The following CTIF variants were observed in gnomAD, a reference collection of about 807,000 sequenced individuals.
CTIF encodes the protein CBP80/20-dependent translation initiation factor.
A neutral mutation model predicts 66.0 loss-of-function variants in CTIF; 21 were observed. The ratio of observed to expected loss-of-function variants is 0.32; its 90% CI spans 0.23 to 0.46. The LOEUF is 0.46. CTIF is among the 20% of genes least tolerant of loss of function. CTIF has a pLI of 1.00. For missense variants in CTIF, 739 were observed against 812.7 expected (o/e 0.91, Z 1.10); for synonymous variants, 345 against 326.4 (o/e 1.06, Z -0.62).
chr18:48,597,126 C>T lies in CTIF; in HGVS notation c.-28-22412C>T, dbSNP rs887776530. 1.4e-4 allele frequency among the ~76,000 whole-genome samples: 21 copies of T among 152,288 alleles called. 1 individual carries two copies. The highest frequency in any genetic ancestry group is 9.8e-4 in the Admixed American group (15 of 15,306). ...GTGCAACATAGGATAGAACAGTGAA[C>T]GAAGAAGTGTAACATCAACTGGCCT... On this transcript the variant is annotated intron_variant, in intron 1 of 11. Coordinates refer to ENST00000256413, the MANE Select transcript of CTIF (RefSeq NM_014772.3).
intron 1 of CTIF, among the ~76,000 whole-genome samples, chr18:48,544,306 G>A (rs1487534133): frequency 6.6e-6 from 1 of 152,208 alleles, no homozygotes. Context: ...CAGCCTGTGA[G>A]GCAGTTGTTG....
chr18:48,643,744 C>T (rs955019727), intron 3 of CTIF, among the ~76,000 whole-genome samples: 1 of 152,128 alleles, frequency 6.6e-6, no homozygotes, highest in African/African-American at 2.4e-5. Context: ...GCTTCTGAGG[C>T]TGCTGCTGAG....
At chr18:48,632,845 G>A (rs902676628) in intron 2 of CTIF, among the ~76,000 whole-genome samples, 7 of 151,978 alleles carry the variant, frequency 4.6e-5, no homozygotes, top group Non-Finnish European at 7.4e-5. Context: ...TCTCCTGTGT[G>A]GGGACACTCT....
intron 10 of CTIF, among the ~76,000 whole-genome samples, chr18:48,842,629 C>T (rs529171912): frequency 6.6e-6 from 1 of 152,308 alleles, no homozygotes; most frequent in African/African-American, 2.4e-5. Context: ...CCCCACAGGG[C>T]CTTGTTCCAG....
At chr18:48,727,070 G>GCGCA (rs72001948) in intron 7 of CTIF, among the ~76,000 whole-genome samples, 5 of 144,488 alleles carry the variant, frequency 3.5e-5, no homozygotes, top group African/African-American at 1.3e-4. Context: ...CAAGTTAGCT[G>GCGCA]CACACACACA....
At chr18:48,541,135 C>T (rs2088606892) in intron 1 of CTIF, among the ~76,000 whole-genome samples, 2 of 152,008 alleles carry the variant, frequency 1.3e-5, no homozygotes, top group African/African-American at 4.8e-5. Context: ...CCGCTGCCTT[C>T]GCAGACCGGG....
At position 48,732,583 on chromosome 18, in the gene CTIF, C is replaced by A. The variant is rs112633240; in HGVS notation, c.584+20888C>A. Among the ~76,000 whole-genome samples, 255 of 152,334 alleles carry A rather than the reference C, an allele frequency of 1.7e-3. 4 individuals are homozygous for A. The highest frequency in any genetic ancestry group is 5.9e-3 in the African/African-American group (244 of 41,578). On this transcript the variant is annotated intron_variant, in intron 7 of 11. Coordinates refer to ENST00000256413, the MANE Select transcript of CTIF (RefSeq NM_014772.3). ...CCACAGCTTGAAGCTAAAACAAGAGCCCAAAGCATCTTCAGGTGTAAGAAG... is the reference window on the plus strand; with the variant it reads ...CCACAGCTTGAAGCTAAAACAAGAGACCAAAGCATCTTCAGGTGTAAGAAG...
chr18:48,764,626 T>C (rs8095355), intron 9 of CTIF, among the ~76,000 whole-genome samples: 124,797 of 152,154 alleles, frequency 0.82, 51,789 homozygotes, highest in African/African-American at 0.95. Context: ...AAGGCAGTCA[T>C]GGCTCACATT....
intron 7 of CTIF, among the ~76,000 whole-genome samples, chr18:48,733,265 G>T (rs761987955): frequency 6.6e-5 from 10 of 152,240 alleles, no homozygotes; most frequent in Non-Finnish European, 1.0e-4. Context: ...GTGTGGGAGG[G>T]GGTGGGTGCT....
intron 1 of CTIF, among the ~76,000 whole-genome samples, chr18:48,611,334 C>T (rs1386950942): frequency 1.3e-5 from 2 of 152,214 alleles, no homozygotes; most frequent in African/African-American, 4.8e-5. Context: ...GAGGTGGTGG[C>T]CCCAGTGTCC....
intron 1 of CTIF, among the ~76,000 whole-genome samples, chr18:48,560,350 G>C (rs1361890497): frequency 3.3e-5 from 5 of 150,528 alleles, no homozygotes; most frequent in Non-Finnish European, 7.4e-5. Context: ...CTCAGCCTCT[G>C]GAGTAGCTGG....
intron 10 of CTIF, among the ~76,000 whole-genome samples, chr18:48,855,340 C>A (rs2069303885): frequency 6.6e-6 from 1 of 152,248 alleles, no homozygotes; most frequent in African/African-American, 2.4e-5. Flanking sequence ...ATTCATTCCA[C>A]ATTCCACTCA....
rs1395382005 is a variant in CTIF, at chr18:48,761,462, A to G, written c.1144A>G (p.Met382Val). ...MDKLIEILNS[M>V]RNNSSDVDTK... is the part of the protein sequence containing the mutation. Reference sequence around the variant, plus strand: ...CAAGCTGATCGAGATCCTGAACAGCATGCGGAACAACAGCAGCGACGTGGA... The same window carrying G: ...CAAGCTGATCGAGATCCTGAACAGCGTGCGGAACAACAGCAGCGACGTGGA... Residue 382 changes from methionine to valine, a missense_variant, in exon 9 of 12, where the codon ATG (methionine) becomes GTG (valine). By Grantham distance (21) the Met-to-Val change is conservative (BLOSUM62 1). Transcript: ENST00000256413. The surrounding 1 kb of genome is among the most constrained non-coding windows in gnomAD (Gnocchi z 4.2). 1.2e-6 allele frequency: 2 copies of G among 1,614,204 alleles called. No individual in the cohort carries two copies. Among genetic ancestry groups the G allele is most frequent in the Non-Finnish European group, 1.7e-6 (2 of 1,180,046 alleles).
chr18:48,771,976 TTA>T (rs1311528992), intron 9 of CTIF, among the ~76,000 whole-genome samples: 1 of 152,174 alleles, frequency 6.6e-6, no homozygotes, highest in Non-Finnish European at 1.5e-5. Context: ...TCCCTGCGGG[TTA>T]TGTAACTGCT....
chr18:48,586,205 C>T (rs1443055015), intron 1 of CTIF, among the ~76,000 whole-genome samples: 2 of 152,038 alleles, frequency 1.3e-5, no homozygotes, highest in African/African-American at 4.8e-5. Context: ...CACATGTTTT[C>T]ACTACCGTTA....
chr18:48,670,515 A>G (rs912136843), intron 5 of CTIF, 154 bp from the exon 6 acceptor site: 1 of 636,312 alleles, frequency 1.6e-6, no homozygotes, highest in East Asian at 2.8e-5. Context: ...CAGCTTCTCT[A>G]GGGCTGTTTC....
Position 48,671,208 on chromosome 18 carries a change from T to C in CTIF, c.507+464T>C, listed in dbSNP as rs1438862736. On this transcript the variant is annotated intron_variant, in intron 6 of 11. Transcript: ENST00000256413. ...TCTGCTATGCTTGCTCTTTTTTTTA[T>C]TGATTGGGCCTCTTTCCTGGAATCA... is the stretch of plus-strand genomic sequence containing the variant. Among the ~76,000 whole-genome samples the C allele has an allele frequency of 2.0e-5, 3 of 152,152 alleles. No individual in the cohort carries two copies. The East Asian group carries it at 5.8e-4, about 29-fold the overall frequency.
chr18:48,655,166 A>G (rs2091224957), intron 3 of CTIF, among the ~76,000 whole-genome samples: 1 of 151,754 alleles, frequency 6.6e-6, no homozygotes, highest in African/African-American at 2.4e-5. Context: ...TTTGCTGGGT[A>G]TGGTGGCTTG....
In CTIF at chr18:48,589,357, G is replaced by A. The variant is rs73956938; in HGVS notation, c.-28-30181G>A. Among the ~76,000 whole-genome samples, 453 of 152,232 alleles carry A rather than the reference G, an allele frequency of 3.0e-3. 1 individual carries two copies. The highest frequency in any genetic ancestry group is 0.01 in the African/African-American group (432 of 41,564). The stretch of plus-strand genomic sequence containing the variant: ...GGGCTGGCAGATCCAGGGCTATGCC[G>A]GTCCCCTGCCTGCCTCCATCTTCAC... On this transcript the variant is annotated intron_variant, in intron 1 of 11. Transcript: ENST00000256413.
Sources: allele counts gnomAD v4.1 joint callset (sites outside exome capture counted in the v4.1 genomes callset), GRCh38; gene constraint gnomAD v4.1.1; non-coding constraint Gnocchi (gnomAD v3.1); transcripts MANE v1.5; gene names NCBI Gene and HGNC (gene_info 2026-07-23, HGNC 2026-07-21).